Variants in MROH1 observed in about 807,000 individuals in gnomAD.
MROH1 encodes maestro heat-like repeat-containing protein family member 1.
Under a neutral mutation model 116.5 loss-of-function variants are expected in MROH1, and 117 were observed. That is an observed-to-expected ratio of 1.00 (90% CI 0.86 to 1.17). The LOEUF is 1.17. Ranked by LOEUF, MROH1 falls within the 50% of genes most tolerant of loss-of-function variation. The pLI, the probability that MROH1 is intolerant of heterozygous loss-of-function variation, is 0.00. For synonymous variants in MROH1, 921 were observed against 583.9 expected, an observed-to-expected ratio of 1.58 and a Z score of -8.32; for missense variants, 1,873 against 1,338.5, an observed-to-expected ratio of 1.40 and a Z score of -6.23.
rs1036657607 is a variant in MROH1, at chr8:144,180,966, G to T, written c.562+443G>T. Among the ~76,000 whole-genome samples, 3 of 152,158 alleles carry T rather than the reference G, an allele frequency of 2.0e-5. No individual in the cohort carries two copies. The highest frequency in any genetic ancestry group is 4.4e-5 in the Non-Finnish European group (3 of 68,022). ...CTGCCCACAGCCCTCTGTGTGCCTG[G>T]CAGGGGACTGCGGGCATGTCATGGG... is the stretch of plus-strand genomic sequence containing the variant. On this transcript the variant is annotated intron_variant, in intron 7 of 43. Transcript: ENST00000326134. This position sits in a 1 kb window ranked among gnomAD's most constrained non-coding sequence, Gnocchi z 7.4.
intron 12 of MROH1, among the ~76,000 whole-genome samples, chr8:144,219,318 G>A (rs1039936500): frequency 1.3e-5 from 2 of 152,050 alleles, no homozygotes; most frequent in East Asian, 1.9e-4. Flanking sequence ...CACCGCGCCC[G>A]ACCAATTTTT....
intron 12 of MROH1, among the ~76,000 whole-genome samples, chr8:144,217,410 C>T (rs1564499494): frequency 6.6e-6 from 1 of 152,186 alleles, no homozygotes; most frequent in Non-Finnish European, 1.5e-5. Flanking sequence ...CAGGAACTCT[C>T]ATTATGTATA....
intron 7 of MROH1, among the ~76,000 whole-genome samples, chr8:144,186,483 G>A (rs1827201275): frequency 6.6e-6 from 1 of 152,134 alleles, no homozygotes; most frequent in South Asian, 2.1e-4. Context: ...GCCTCACTCA[G>A]GGTCTGCCCT....
chr8:144,180,581 C>G lies in MROH1; in HGVS notation c.562+58C>G. The stretch of plus-strand genomic sequence containing the variant: ...GTGCCCCTTTGTGGGGGGCTGTTCC[C>G]GGGCATGCCTGTTTTAGGGGGGACA... On this transcript the variant is annotated intron_variant, in intron 7 of 43. Transcript: ENST00000326134. This position sits in a 1 kb window ranked among gnomAD's most constrained non-coding sequence, Gnocchi z 7.4. 6.5e-7 allele frequency: 1 copy of G among 1,532,406 alleles called. No individual in the cohort carries two copies. Among genetic ancestry groups the G allele is most frequent in the Non-Finnish European group, 8.9e-7 (1 of 1,122,342 alleles). The allele number at this position is 1,532,406 out of a possible 1,614,324, so 94.9% of individuals were successfully genotyped here.
At chr8:144,224,793 C>T (rs1009104146) in intron 14 of MROH1, among the ~76,000 whole-genome samples, 8 of 152,144 alleles carry the variant, frequency 5.3e-5, no homozygotes, top group Non-Finnish European at 1.0e-4. Context: ...CAGCGGCAGG[C>T]CCTGTGGTGC....
In MROH1 at chr8:144,164,407, CAA is replaced by C. The variant is rs202061294; in HGVS notation, c.22+575_22+576del. ...GCGATGGAGTGAGACTCGGTCCCCCCAAAAAAAAAAAAAAAAAGACAGGGTCT... is the reference window on the plus strand; with the variant it reads ...GCGATGGAGTGAGACTCGGTCCCCCCAAAAAAAAAAAAAAAGACAGGGTCT... On this transcript the variant is annotated intron_variant, in intron 3 of 43. Transcript: ENST00000326134. Among the ~76,000 whole-genome samples the C allele has an allele frequency of 4.7e-3, 436 of 93,654 alleles. 2 individuals carry two copies. Among genetic ancestry groups the C allele is most frequent in the African/African-American group, 0.015 (401 of 26,666 alleles). The allele number at this position is 93,654 out of a possible 152,430, so 61.4% of individuals were successfully genotyped here. A position where few individuals can be genotyped will look rare whatever the true frequency, so the allele number is the denominator to read the frequency against.
At chr8:144,222,980 G>C (rs1837103310) in intron 13 of MROH1, 128 bp from the exon 14 acceptor site, 1 of 1,338,782 alleles carries the variant, frequency 7.5e-7, no homozygotes. Context: ...ACAGGTGTCA[G>C]TGTAACTGCA....
chr8:144,157,501 T>C (rs1194228347), intron 1 of MROH1, among the ~76,000 whole-genome samples: 3 of 152,102 alleles, frequency 2.0e-5, no homozygotes, highest in Non-Finnish European at 4.4e-5. Flanking sequence ...CTTCCTTCCA[T>C]GTTTGGTAGA....
At chr8:144,260,113 A>T in intron 38 of MROH1, 56 bp downstream of exon 38, 2 of 747,728 alleles carry the variant, frequency 2.7e-6, no homozygotes, top group South Asian at 2.8e-5. Flanking sequence ...GGGGCTGTGC[A>T]TGGAGGCCAC....
intron 1 of MROH1, among the ~76,000 whole-genome samples, chr8:144,155,107 C>T (rs1036754348): frequency 3.9e-5 from 6 of 152,126 alleles, no homozygotes; most frequent in Non-Finnish European, 7.4e-5. Context: ...TGAGCCACCA[C>T]GCCCGGCCTA....
chr8:144,240,845 T>A, intron 20 of MROH1, 147 bp from the exon 21 acceptor site: 1 of 682,480 alleles, frequency 1.5e-6, no homozygotes, highest in Non-Finnish European at 2.7e-6. Context: ...GCCCCACCGC[T>A]TATTCCTCAG....
At chr8:144,175,236 A>C in intron 4 of MROH1, 1 of 881,380 alleles carries the variant, frequency 1.1e-6, no homozygotes, top group Non-Finnish European at 1.4e-6. Context: ...TGCCCCTCCC[A>C]GCAGCGGGTC....
chr8:144,183,589 C>A (rs1231127819), intron 7 of MROH1, among the ~76,000 whole-genome samples: 2 of 151,622 alleles, frequency 1.3e-5, no homozygotes, highest in East Asian at 3.9e-4. Context: ...TCCAGTGGCC[C>A]CTGGGCACCT....
chr8:144,175,757 AAAAAT>A (rs1823736620), intron 4 of MROH1, among the ~76,000 whole-genome samples: 2 of 152,156 alleles, frequency 1.3e-5, no homozygotes, highest in Admixed American at 6.6e-5. Context: ...CCATCTCTAA[AAAAAT>A]AAAATATGCC....
chr8:144,180,291 G>A lies in MROH1; in HGVS notation c.414G>A (p.Leu138=), dbSNP rs777049003. The A allele has an allele frequency of 1.9e-6, 3 of 1,608,520 alleles. No homozygotes were observed. The highest frequency in any genetic ancestry group is 2.5e-6 in the Non-Finnish European group (3 of 1,179,748). The change falls in exon 6 of 44, where the codon CTG becomes CTA. Residue 138 remains leucine (L), a synonymous_variant. Transcript: ENST00000326134. This position sits in a 1 kb window ranked among gnomAD's most constrained non-coding sequence, Gnocchi z 7.4. The part of the protein sequence containing the change: ...ELLRRLHPGT[L]PHCAVLHTLA... The stretch of plus-strand genomic sequence containing the variant: ...TGCGCAGGCTGCACCCTGGGACCCT[G>A]CCACACTGCGCCGTGCTGCACACCC...
At chr8:144,216,301 C>T (rs1214287825) in intron 12 of MROH1, among the ~76,000 whole-genome samples, 1 of 151,698 alleles carries the variant, frequency 6.6e-6, no homozygotes, top group East Asian at 1.9e-4. Context: ...AGTGAAACCC[C>T]ATCTCTACTA....
chr8:144,239,740 C>T lies in MROH1; in HGVS notation c.1759C>T (p.Leu587=). 1 of 718,174 alleles carries T rather than the reference C, an allele frequency of 1.4e-6. No homozygotes were observed. Among genetic ancestry groups the T allele is most frequent in the Admixed American group, 2.0e-5 (1 of 50,048 alleles). 44.5% of individuals were successfully genotyped at this position (718,174 alleles called of 1,614,324 possible). ...TTGGGAAACGACTGTCCCGCTGCTG[C>T]TGGGGTACCTGGATGGTGAGGCCAG... ...QHWETTVPLL[L]GYLDEHTEET... Residue 587 remains leucine (L), a synonymous_variant, in exon 18 of 44, where the codon CTG becomes TTG. Coordinates refer to ENST00000326134, the MANE Select transcript of MROH1 (RefSeq NM_032450.3).
chr8:144,209,075 T>TGTGTGTGTGTG (rs1833518460), intron 12 of MROH1, among the ~76,000 whole-genome samples: 1 of 125,040 alleles, frequency 8.0e-6, no homozygotes, highest in African/African-American at 3.6e-5. Flanking sequence ...GTGTGTGTGT[T>TGTGTGTGTGTG]TAGTGGAGAC....
chr8:144,168,271 G>A (rs778612171), intron 3 of MROH1, 24 bp from the exon 4 acceptor site: 7 of 1,570,816 alleles, frequency 4.5e-6, no homozygotes, highest in African/African-American at 1.3e-5. Flanking sequence ...GCCTGAGCAT[G>A]CTAACCAGGC....
Sources: allele counts gnomAD v4.1 joint callset (sites outside exome capture counted in the v4.1 genomes callset), GRCh38; gene constraint gnomAD v4.1.1; non-coding constraint Gnocchi (gnomAD v3.1); transcripts MANE v1.5; gene names NCBI Gene and HGNC (gene_info 2026-07-23, HGNC 2026-07-21).